The following MAGI1 variants were observed in gnomAD, a reference collection of about 807,000 sequenced individuals.
MAGI1 encodes the protein membrane-associated guanylate kinase, WW and PDZ domain-containing protein 1.
A neutral mutation model predicts 139.9 loss-of-function variants in MAGI1; 58 were observed. That is an observed-to-expected ratio of 0.41 (90% CI 0.34 to 0.52). MAGI1 has a LOEUF of 0.52. MAGI1 is among the 20% of genes least tolerant of loss of function. The pLI is 0.12. For missense variants in MAGI1, 1,874 were observed against 1,901.6 expected, an observed-to-expected ratio of 0.99 and a Z score of 0.27; for synonymous variants, 812 against 737.9, an observed-to-expected ratio of 1.10 and a Z score of -1.63.
At chr3:65,906,895 A>G (rs545776509) in intron 1 of MAGI1, among the ~76,000 whole-genome samples, 1 of 151,996 alleles carries the variant, frequency 6.6e-6, no homozygotes, top group Non-Finnish European at 1.5e-5. Context: ...TAAAAAAAAA[A>G]AAAAAATCTA....
intron 1 of MAGI1, among the ~76,000 whole-genome samples, chr3:65,892,064 T>C (rs1342127688): frequency 2.0e-5 from 3 of 151,468 alleles, no homozygotes; most frequent in East Asian, 1.9e-4. Context: ...AAACTCATTA[T>C]AGATACTCAT....
chr3:65,453,101 T>C (rs920189291), intron 6 of MAGI1, 157 bp downstream of exon 6: 16 of 642,680 alleles, frequency 2.5e-5, no homozygotes, highest in African/African-American at 5.5e-5. Flanking sequence ...TCTGACTTTC[T>C]TCCTGCTTTT....
intron 8 of MAGI1, among the ~76,000 whole-genome samples, chr3:65,441,096 G>A (rs1372362207): frequency 2.0e-5 from 3 of 151,842 alleles, no homozygotes; most frequent in Non-Finnish European, 4.4e-5. Context: ...GAGTAGCTGG[G>A]ATTTCAAGCG....
At chr3:65,610,751 C>CTATATATATATATAT (rs59887286) in intron 2 of MAGI1, among the ~76,000 whole-genome samples, 21 of 21,196 alleles carry the variant, frequency 9.9e-4, no homozygotes, top group Non-Finnish European at 2.4e-3. Context: ...AGTATATATA[C>CTATATATATATATAT]AGTATATATA....
intron 1 of MAGI1, among the ~76,000 whole-genome samples, chr3:65,705,985 A>G (rs986734877): frequency 2.0e-5 from 3 of 152,226 alleles, no homozygotes; most frequent in African/African-American, 7.2e-5. Context: ...CTCTGAGTCC[A>G]TGAGTAACAA....
At chr3:65,714,644 A>T (rs960722914) in intron 1 of MAGI1, among the ~76,000 whole-genome samples, 2 of 152,026 alleles carry the variant, frequency 1.3e-5, no homozygotes, top group African/African-American at 2.4e-5. Context: ...AAGTAGGGTT[A>T]AAAAAAACCG....
At chr3:65,365,034 T>A (rs755047541) in intron 18 of MAGI1, 88 bp from the exon 19 acceptor site, 1 of 1,010,826 alleles carries the variant, frequency 9.9e-7, no homozygotes, top group Non-Finnish European at 1.6e-6. Context: ...TGTATCTGAA[T>A]AACAAGTGTG....
Position 65,429,884 on chromosome 3 carries a change from T to C in MAGI1, c.1803A>G (p.Lys601=). ...GCCTGGCATCCTTCATGCCATTGAC[T>C]TTGCCTGTTTTACTACTGTGGCTAG... is the stretch of plus-strand genomic sequence containing the variant. ...SPASHSSKTG[K]VNGMKDARPS... is the part of the protein sequence containing the mutation. Residue 601 remains lysine, a synonymous_variant, in exon 12 of 23, where the codon AAA becomes AAG. Transcript: ENST00000402939. 1 of 1,614,072 alleles carries C rather than the reference T, an allele frequency of 6.2e-7. No individual in the cohort carries two copies. Among genetic ancestry groups the C allele is most frequent in the Non-Finnish European group, 8.5e-7 (1 of 1,179,970 alleles).
chr3:65,727,102 C>T (rs967613373), intron 1 of MAGI1, among the ~76,000 whole-genome samples: 2 of 151,904 alleles, frequency 1.3e-5, no homozygotes. Flanking sequence ...ATTCTGTGGC[C>T]AAATATGTGT....
At chr3:65,719,862 C>T (rs540298689) in intron 1 of MAGI1, 9 of 152,276 alleles carry the variant, frequency 5.9e-5, no homozygotes, top group Non-Finnish European at 5.9e-5. Context: ...ACTCAACTTC[C>T]TATCTTGCAC....
Position 65,363,403 on chromosome 3 carries a change from A to G in MAGI1, c.3495+62T>C, listed in dbSNP as rs1575601314. The G allele has an allele frequency of 7.9e-6, 12 of 1,524,030 alleles. No individual in the cohort carries two copies. The South Asian group carries it at 1.4e-4, about 18-fold the overall frequency. 94.4% of individuals were successfully genotyped at this position (1,524,030 alleles called of 1,614,324 possible). On this transcript the variant is annotated intron_variant, in intron 21 of 22. Coordinates refer to ENST00000402939, the MANE Select transcript of MAGI1 (RefSeq NM_001033057.2). ...ATGAACATGAACATTCTAACCATAT[A>G]TGACAAGAATTCACTGCAGATGGTT...
chr3:65,511,260 A>C (rs1234518381), intron 2 of MAGI1, among the ~76,000 whole-genome samples: 11 of 149,992 alleles, frequency 7.3e-5, no homozygotes, highest in Admixed American at 5.3e-4. Flanking sequence ...TGAGCAAAAT[A>C]ACCAGCTAAC....
intron 1 of MAGI1, among the ~76,000 whole-genome samples, chr3:65,956,933 G>A (rs1221198963): frequency 2.0e-5 from 3 of 152,018 alleles, no homozygotes; most frequent in Non-Finnish European, 4.4e-5. Flanking sequence ...ACCGTGGAGG[G>A]AGAAGCTGCA....
chr3:65,553,057 A>G (rs931571571), intron 2 of MAGI1, among the ~76,000 whole-genome samples: 3 of 152,164 alleles, frequency 2.0e-5, no homozygotes, highest in African/African-American at 7.2e-5. Flanking sequence ...CCTGATACTC[A>G]GATGAAAAAG....
rs2078896721 is a variant in MAGI1, at chr3:65,534,997, T to C, written c.431-41366A>G. 2.6e-5 allele frequency among the ~76,000 whole-genome samples: 4 copies of C among 151,946 alleles called. No homozygotes were observed. The South Asian group carries it at 6.2e-4, about 24-fold the overall frequency. On this transcript the variant is annotated intron_variant, in intron 2 of 22. Transcript: ENST00000402939. ...TCTCCATGTGGGGGACAAGGCACCA[T>C]ATGGCCCAGCAATTAGGAAGGAAGA... is the stretch of plus-strand genomic sequence containing the variant.
At chr3:65,684,387 G>A (rs2087842419) in intron 1 of MAGI1, among the ~76,000 whole-genome samples, 1 of 152,038 alleles carries the variant, frequency 6.6e-6, no homozygotes, top group Admixed American at 6.6e-5. Flanking sequence ...TGGTTAAACT[G>A]TGGTATACAC....
intron 14 of MAGI1, among the ~76,000 whole-genome samples, chr3:65,390,779 A>T (rs886432724): frequency 6.6e-6 from 1 of 152,222 alleles, no homozygotes; most frequent in African/African-American, 2.4e-5. Flanking sequence ...CCAGTCAAAC[A>T]TGTTTAAGTT....
chr3:65,736,165 T>C lies in MAGI1; in HGVS notation c.314-114077A>G, dbSNP rs1182922816. Among the ~76,000 whole-genome samples the C allele has an allele frequency of 2.6e-5, 4 of 152,300 alleles. No homozygotes were observed. The East Asian group carries it at 7.7e-4, about 29-fold the overall frequency. On this transcript the variant is annotated intron_variant, in intron 1 of 22. Coordinates refer to ENST00000402939, the MANE Select transcript of MAGI1 (RefSeq NM_001033057.2). ...ACCATCATTCAATTCTCTTATGGTT[T>C]TCTATGGGTCTTGCCAAAAGAGCAC...
In MAGI1 at chr3:65,379,269, G is replaced by A. The variant is rs761639684; in HGVS notation, c.2987C>T (p.Thr996Met). The change falls in exon 17 of 23, where the codon ACG becomes ATG. Residue 996 changes from threonine to methionine, a missense_variant. Coordinates refer to ENST00000402939, the MANE Select transcript of MAGI1 (RefSeq NM_001033057.2). ...TCACGTTCAGCACTCACCAAAGGTC[G>A]TGCCTGCTTCGGGCCTGCTCACCGA... ...VSSVSRPEAGTTFGNACVAMP... is the reference protein window; with the variant it reads ...VSSVSRPEAGMTFGNACVAMP... 21 of 1,611,822 alleles carry A rather than the reference G, an allele frequency of 1.3e-5. No individual in the cohort carries two copies. The highest frequency in any genetic ancestry group is 1.7e-5 in the Non-Finnish European group (20 of 1,179,012).
Sources: gnomAD v4.1 joint callset for allele counts (sites outside exome capture counted in the v4.1 genomes callset) on GRCh38, gnomAD v4.1.1 for gene constraint, MANE v1.5 for transcripts, NCBI Gene and HGNC (gene_info 2026-07-23, HGNC 2026-07-21) for gene names.